PABPC1L: variants seen among roughly 807,000 people sequenced by gnomAD.
The protein encoded by PABPC1L is poly(A) binding protein cytoplasmic 1 like.
PABPC1L carries 31 observed loss-of-function variants against 66.6 expected under a neutral mutation model. That is an observed-to-expected ratio of 0.47 (90% CI 0.35 to 0.63). PABPC1L has a LOEUF of 0.63. Ranked by LOEUF, PABPC1L falls within the 20% of genes least tolerant of loss-of-function variation. PABPC1L has a pLI of 0.00. For missense variants in PABPC1L, 722 were observed against 848.8 expected (o/e 0.85, Z 1.86); for synonymous variants, 348 against 335.1 (o/e 1.04, Z -0.42).
At chr20:44,936,753 G>C (rs915762995) in intron 12 of PABPC1L, 23 bp downstream of exon 12, 23 of 1,592,054 alleles carry the variant, frequency 1.4e-5, no homozygotes, top group Non-Finnish European at 1.8e-5. Context: ...TTCTCCTACT[G>C]TGGAGCAAGA....
Position 44,938,071 on chromosome 20 carries a change from C to A in PABPC1L, c.1671C>A (p.Leu557=), listed in dbSNP as rs775693440. Residue 557 remains leucine (L), a synonymous_variant, in exon 13 of 15, where the codon CTC becomes CTA. Transcript: ENST00000217073. ...HEQKQMIGER[L]YPLIHDVHTQ... ...AGGTGTTCCACACAGGGGAGCGTCT[C>A]TACCCCCTTATCCATGATGTCCACA... 6 of 1,614,176 alleles carry A rather than the reference C, an allele frequency of 3.7e-6. No homozygotes were observed. The East Asian group carries it at 1.3e-4, about 36-fold the overall frequency.
At chr20:44,918,239 A>T (rs914083574) in intron 3 of PABPC1L, among the ~76,000 whole-genome samples, 2 of 152,210 alleles carry the variant, frequency 1.3e-5, no homozygotes, top group Admixed American at 1.3e-4. Flanking sequence ...GTGAAGCAGG[A>T]GAATCGCTTG....
chr20:44,910,098 G>T lies in PABPC1L; in HGVS notation c.-46G>T, dbSNP rs1460538735. ...GCCCGGGTGAGCGCGGGGCTGCTGG[G>T]TGACCCGGCTCCTGCTTGCCCCGCA... On this transcript the variant is annotated 5_prime_UTR_variant, in exon 1 of 15. Coordinates refer to ENST00000217073, the MANE Select transcript of PABPC1L (RefSeq NM_001372179.1). The T allele has an allele frequency of 1.3e-6, 2 of 1,496,440 alleles. No individual in the cohort carries two copies. Among genetic ancestry groups the T allele is most frequent in the Middle Eastern group, 2.0e-4 (1 of 5,062 alleles). The allele number at this position is 1,496,440 out of a possible 1,614,324, so 92.7% of individuals were successfully genotyped here. A position where few individuals can be genotyped will look rare whatever the true frequency, so the allele number is the denominator to read the frequency against.
intron 2 of PABPC1L, among the ~76,000 whole-genome samples, chr20:44,916,406 G>GAAT (rs2066737951): frequency 6.6e-6 from 1 of 152,098 alleles, no homozygotes. Context: ...CTGAGTAGCT[G>GAAT]GGATTACAGG....
rs2066713376 is a variant in PABPC1L, at chr20:44,912,705, A to G, written c.239A>G (p.Gln80Arg). 4.3e-6 allele frequency: 7 copies of G among 1,614,170 alleles called. No homozygotes were observed. Among genetic ancestry groups the G allele is most frequent in the Non-Finnish European group, 5.9e-6 (7 of 1,179,998 alleles). Residue 80 changes from glutamine to arginine, a missense_variant, in exon 2 of 15, where the codon CAG (glutamine) becomes CGG (arginine). This residue lies in a region of PABPC1L where 284 missense variants were observed against 294.8 expected (regional missense o/e 0.96). Transcript: ENST00000217073. ...DTMNFEMLKGQPIRIMWSQRD... is the reference protein window; with the variant it reads ...DTMNFEMLKGRPIRIMWSQRD... ...ATGAACTTTGAGATGCTCAAAGGCC[A>G]GCCTATTCGCATCATGTGGTCCCAG...
chr20:44,912,564 C>T lies in PABPC1L; in HGVS notation c.194-96C>T, dbSNP rs2066712191. On this transcript the variant is annotated intron_variant, in intron 1 of 14. Transcript: ENST00000217073. ...TCTGGGACCCAGACAATGACTTTCT[C>T]TTTATTGGCTCCCAGTTAAGCACCT... is the stretch of plus-strand genomic sequence containing the variant. 3 of 1,079,756 alleles carry T rather than the reference C, an allele frequency of 2.8e-6. No individual in the cohort carries two copies. The Admixed American group carries it at 8.0e-5, about 29-fold the overall frequency. The allele number at this position is 1,079,756 out of a possible 1,614,324, so 66.9% of individuals were successfully genotyped here.
In PABPC1L at chr20:44,912,823, C is replaced by T; in HGVS notation, c.357C>T (p.Phe119=). 2 of 1,614,144 alleles carry T rather than the reference C, an allele frequency of 1.2e-6. No homozygotes were observed. The highest frequency in any genetic ancestry group is 2.2e-5 in the South Asian group (2 of 91,072). ...SIDNKALYDT[F]STFGNILSCK... is the part of the protein sequence containing the mutation. Reference sequence around the variant, plus strand: ...ACAACAAGGCTTTATATGATACCTTCTCCACCTTTGGGAACATCCTCTCTT... The same window carrying T: ...ACAACAAGGCTTTATATGATACCTTTTCCACCTTTGGGAACATCCTCTCTT... Residue 119 remains phenylalanine, a synonymous_variant, in exon 2 of 15, where the codon TTC becomes TTT. Transcript: ENST00000217073.
At chr20:44,911,929 G>A (rs1032243637) in intron 1 of PABPC1L, among the ~76,000 whole-genome samples, 2 of 152,182 alleles carry the variant, frequency 1.3e-5, no homozygotes, top group Admixed American at 1.3e-4. Context: ...AACAGGTCAC[G>A]TGTATCACCC....
chr20:44,931,014 TTCCCTTCCCTCCCTTCCC>T (rs1177492228), intron 8 of PABPC1L, among the ~76,000 whole-genome samples: 6 of 67,686 alleles, frequency 8.9e-5, no homozygotes, highest in African/African-American at 4.3e-4. Flanking sequence ...CCTCCCTTCC[TTCCCTTCCCTCCCTTCCC>T]TCCCTTCCCT....
intron 9 of PABPC1L, chr20:44,932,768 T>C (rs1382451804): frequency 2.0e-6 from 1 of 496,154 alleles, no homozygotes; most frequent in Non-Finnish European, 3.6e-6. Context: ...TAAGAGTGAA[T>C]TGCACGCTCA....
intron 7 of PABPC1L, among the ~76,000 whole-genome samples, chr20:44,925,355 T>C (rs1419399445): frequency 1.3e-5 from 2 of 152,158 alleles, no homozygotes; most frequent in African/African-American, 4.8e-5. Flanking sequence ...TTCAAGTAGC[T>C]TATAGTCTAG....
intron 6 of PABPC1L, among the ~76,000 whole-genome samples, chr20:44,921,982 G>T (rs1381735311): frequency 6.6e-6 from 1 of 152,104 alleles, no homozygotes; most frequent in African/African-American, 2.4e-5. Flanking sequence ...AATCCTTCAC[G>T]TGGGACTGGT....
chr20:44,911,586 C>G (rs1387727393), intron 1 of PABPC1L, among the ~76,000 whole-genome samples: 1 of 152,342 alleles, frequency 6.6e-6, no homozygotes, highest in East Asian at 1.9e-4. Context: ...GGATCCCTTG[C>G]GCCAGGTCGC....
chr20:44,936,636 G>A lies in PABPC1L; in HGVS notation c.1567-1G>A, dbSNP rs377620217. 122 of 1,589,842 alleles carry A rather than the reference G, an allele frequency of 7.7e-5. No homozygotes were observed. The highest frequency in any genetic ancestry group is 1.0e-4 in the Non-Finnish European group (118 of 1,169,086). The stretch of plus-strand genomic sequence containing the variant: ...AGGGATGTGTCCCCGGCACCATGCA[G>A]GTCCAGGAGCCGGCTGTGCACATCC... On this transcript the variant is annotated splice_acceptor_variant, in intron 11 of 14. Coordinates refer to ENST00000217073, the MANE Select transcript of PABPC1L (RefSeq NM_001372179.1). LOFTEE classifies it high-confidence loss of function.
At chr20:44,933,415 T>C (rs987787473) in intron 10 of PABPC1L, among the ~76,000 whole-genome samples, 13 of 152,192 alleles carry the variant, frequency 8.5e-5, no homozygotes, top group African/African-American at 1.7e-4. Flanking sequence ...ACAAAAATAG[T>C]ACCCCCATTT....
intron 10 of PABPC1L, among the ~76,000 whole-genome samples, chr20:44,933,633 C>T (rs1485550256): frequency 2.0e-5 from 3 of 150,720 alleles, no homozygotes; most frequent in Non-Finnish European, 4.4e-5. Flanking sequence ...TTAGTAGAGA[C>T]GGGGTTTCTC....
intron 4 of PABPC1L, 41 bp downstream of exon 4, chr20:44,919,086 C>T (rs766077501): frequency 1.9e-6 from 3 of 1,611,474 alleles, no homozygotes; most frequent in South Asian, 2.2e-5. Flanking sequence ...CACTGTTTTT[C>T]CTCTTCCCTT....
rs776479654 is a variant in PABPC1L at position 44,930,626 on chromosome 20, A to G, written c.1139A>G (p.Asn380Ser). 6.8e-6 allele frequency: 11 copies of G among 1,614,034 alleles called. No homozygotes were observed. Among genetic ancestry groups the G allele is most frequent in the Admixed American group, 1.7e-5 (1 of 59,992 alleles). The change falls in exon 8 of 15, where the codon AAC (asparagine) becomes AGC (serine). Residue 380 changes from asparagine to serine, a missense_variant. This residue lies in a region of PABPC1L where 301 missense variants were observed against 337.2 expected (regional missense o/e 0.89). Transcript: ENST00000217073. ...RKEERKAILT[N>S]QYMQRLSTMR... The stretch of plus-strand genomic sequence containing the variant: ...GAGGAGCGGAAGGCCATCTTGACCA[A>G]CCAGTACATGCAGCGCCTCTCCACC...
rs781405608 is a variant in PABPC1L, at chr20:44,933,119, C to G, written c.1393C>G (p.His465Asp). The G allele has an allele frequency of 1.9e-6, 3 of 1,609,314 alleles. No individual in the cohort carries two copies. The highest frequency in any genetic ancestry group is 2.5e-6 in the Non-Finnish European group (3 of 1,178,472). ...AGTTGTGCCTCGGCGCCCCCCGGCCCACATCAGCAGTGTCAGGCAGGCCTC... is the reference window on the plus strand; with the variant it reads ...AGTTGTGCCTCGGCGCCCCCCGGCCGACATCAGCAGTGTCAGGCAGGCCTC... ...PPVVPRRPPA[H>D]ISSVRQASTQ... is the part of the protein sequence containing the mutation. Residue 465 changes from histidine (H) to aspartate (D), a missense_variant, in exon 10 of 15, where the codon CAC (histidine) becomes GAC (aspartate). Around this residue, in one of 3 missense-constraint regions of PABPC1L, gnomAD observed 301 missense variants for 337.2 expected, o/e 0.89. Coordinates refer to ENST00000217073, the MANE Select transcript of PABPC1L (RefSeq NM_001372179.1).
Sources: allele counts gnomAD v4.1 joint callset (sites outside exome capture counted in the v4.1 genomes callset), GRCh38; gene constraint gnomAD v4.1.1; regional missense constraint gnomAD v4.1.1; transcripts MANE v1.5; gene names NCBI Gene and HGNC (gene_info 2026-07-23, HGNC 2026-07-21).